The following AFF2 variants were observed in gnomAD, a reference collection of about 807,000 sequenced individuals.
AFF2 encodes the protein AF4/FMR2 family member 2.
In AFF2, 14 loss-of-function variants were observed where a neutral mutation model predicts 76.9. The observed-to-expected ratio is 0.18, with a 90% CI of 0.12 to 0.28. The LOEUF (loss-of-function observed/expected upper bound fraction) is 0.28. Among genes scored for constraint, AFF2 ranks in the 10% least tolerant of loss-of-function variants. The pLI, the probability that AFF2 is intolerant of heterozygous loss-of-function variation, is 1.00. For synonymous variants in AFF2, 398 were observed against 366.7 expected (o/e 1.09, Z -0.98); for missense variants, 868 against 1,001.1 (o/e 0.87, Z 1.79).
At chrX:148,985,413 C>A (rs140766620) in intron 19 of AFF2, among the ~76,000 whole-genome samples, 1 of 102,460 alleles carries the variant, frequency 9.8e-6, no homozygotes, top group Non-Finnish European at 2.0e-5. Context: ...GCAATCCTCT[C>A]GCTTCAGCCT....
At chrX:148,719,259 G>T (rs1482330215) in intron 3 of AFF2, 2 of 1,093,662 alleles carry the variant, frequency 1.8e-6, no homozygotes, top group Non-Finnish European at 2.4e-6. Flanking sequence ...GCTGTAGAAG[G>T]TCTACAATCA....
At chrX:148,921,235 T>G (rs2124265498) in intron 9 of AFF2, among the ~76,000 whole-genome samples, 1 of 112,478 alleles carries the variant, frequency 8.9e-6, no homozygotes, top group South Asian at 3.7e-4. Flanking sequence ...GATTTTGAGA[T>G]CATTACACAA....
chrX:148,655,765 G>A (rs1481994650), intron 2 of AFF2, among the ~76,000 whole-genome samples: 1 of 111,527 alleles, frequency 9.0e-6, no homozygotes, highest in Non-Finnish European at 1.9e-5. Flanking sequence ...ACCTCCATAA[G>A]GCTCCCCAGA....
intron 19 of AFF2, among the ~76,000 whole-genome samples, chrX:148,986,458 C>T (rs1340892280): frequency 3.2e-4 from 36 of 111,983 alleles, no homozygotes; most frequent in Non-Finnish European, 5.6e-5. Context: ...CTCCTTGTTG[C>T]GAATATTAAA....
intron 1 of AFF2, among the ~76,000 whole-genome samples, chrX:148,551,974 C>A (rs782462636): frequency 8.9e-6 from 1 of 112,300 alleles, no homozygotes; most frequent in Non-Finnish European, 1.9e-5. Context: ...AATCTGGACA[C>A]CAATACTCCG....
chrX:148,502,546 T>C (rs1044449783), intron 1 of AFF2, among the ~76,000 whole-genome samples: 4 of 112,818 alleles, frequency 3.5e-5, no homozygotes, highest in African/African-American at 1.3e-4. Flanking sequence ...ACCACGGTTT[T>C]ATCAGCTCTG....
chrX:148,835,475 C>T, intron 4 of AFF2, among the ~76,000 whole-genome samples: 1 of 93,673 alleles, frequency 1.1e-5, no homozygotes, highest in Non-Finnish European at 2.1e-5. Flanking sequence ...ATATCCATCA[C>T]GTCACATACT....
At chrX:148,965,137 T>G (rs1243305984) in intron 13 of AFF2, among the ~76,000 whole-genome samples, 1 of 111,191 alleles carries the variant, frequency 9.0e-6, no homozygotes, top group Non-Finnish European at 1.9e-5. Flanking sequence ...AGACAGCAGA[T>G]TGAGGGTGGA....
At chrX:148,840,469 C>G (rs143030237) in intron 5 of AFF2, among the ~76,000 whole-genome samples, 119 of 112,033 alleles carry the variant, frequency 1.1e-3, no homozygotes, top group African/African-American at 3.1e-3. Context: ...CTGTCTGGCC[C>G]TTTGCAGGAA....
chrX:148,580,717 T>TTATA (rs782119702), intron 1 of AFF2, among the ~76,000 whole-genome samples: 3 of 86,002 alleles, frequency 3.5e-5, no homozygotes, highest in African/African-American at 1.4e-4. Context: ...CATAACAGTT[T>TTATA]TATATATATA....
At chrX:148,916,285 C>T (rs1422865639) in intron 9 of AFF2, among the ~76,000 whole-genome samples, 1 of 91,882 alleles carries the variant, frequency 1.1e-5, no homozygotes, top group Non-Finnish European at 2.1e-5. Context: ...TCTCGGCTCA[C>T]TGCAAGCTCC....
At chrX:148,794,873 A>G (rs1274578719) in intron 3 of AFF2, among the ~76,000 whole-genome samples, 2 of 111,871 alleles carry the variant, frequency 1.8e-5, no homozygotes, top group Non-Finnish European at 3.8e-5. Flanking sequence ...GCAGCATGAA[A>G]TAGTGGAAGA....
At position 148,736,934 on chromosome X, in the gene AFF2, G is replaced by A. The variant is rs782288493; in HGVS notation, c.1042-72942G>A. On this transcript the variant is annotated intron_variant, in intron 3 of 20. Coordinates refer to ENST00000370460, the MANE Select transcript of AFF2 (RefSeq NM_002025.4). ...AAGATCAGTTGGGTGTAAGTATTTG[G>A]GTTAATTTCTAGGTTCTCTATTTTA... is the stretch of plus-strand genomic sequence containing the variant. 8.8e-4 allele frequency among the ~76,000 whole-genome samples: 98 copies of A among 111,144 alleles called. 1 individual carries two copies. The highest frequency in any genetic ancestry group is 3.0e-3 in the African/African-American group (93 of 30,647).
In AFF2 at chrX:148,703,471, C is replaced by T. The variant is rs189387410; in HGVS notation, c.1041+40703C>T. Among the ~76,000 whole-genome samples the T allele has an allele frequency of 4.3e-3, 477 of 111,859 alleles. 5 individuals are homozygous for T. Among genetic ancestry groups the T allele is most frequent in the African/African-American group, 0.015 (457 of 30,750 alleles). ...TGCATATCCCAGGAAAAATAATTGTCTGATTTATATGGATCCCCCAAGGTA... is the reference window on the plus strand; with the variant it reads ...TGCATATCCCAGGAAAAATAATTGTTTGATTTATATGGATCCCCCAAGGTA... On this transcript the variant is annotated intron_variant, in intron 3 of 20. Transcript: ENST00000370460.
At position 149,000,455 on chromosome X, in the gene AFF2, G is replaced by T. The variant is rs1341064969; in HGVS notation, c.*9123G>T. ...TGGCTTTGCATTTCAAATGTGTGGCGCACAAGCGTTTTGTTGGTGCTTTGT... is the reference window on the plus strand; with the variant it reads ...TGGCTTTGCATTTCAAATGTGTGGCTCACAAGCGTTTTGTTGGTGCTTTGT... On this transcript the variant is annotated 3_prime_UTR_variant, in exon 21 of 21. Coordinates refer to ENST00000370460, the MANE Select transcript of AFF2 (RefSeq NM_002025.4). The T allele has an allele frequency of 8.9e-6, 1 of 112,652 alleles. No individual in the cohort carries two copies. Among genetic ancestry groups the T allele is most frequent in the Admixed American group, 9.4e-5 (1 of 10,664 alleles). 9.3% of individuals were successfully genotyped at this position (112,652 alleles called of 1,213,427 possible).
intron 1 of AFF2, among the ~76,000 whole-genome samples, chrX:148,548,248 G>A (rs1375181943): frequency 9.9e-5 from 11 of 111,271 alleles, no homozygotes; most frequent in African/African-American, 3.3e-4. Context: ...TACCCAGTGG[G>A]TTTCACCAAC....
chrX:148,806,427 G>C (rs2070134302), intron 3 of AFF2, among the ~76,000 whole-genome samples: 1 of 111,860 alleles, frequency 8.9e-6, no homozygotes, highest in Non-Finnish European at 1.9e-5. Context: ...CAACGGCTGG[G>C]AGCTTCTGTC....
intron 1 of AFF2, among the ~76,000 whole-genome samples, chrX:148,616,280 G>T (rs1352024360): frequency 1.8e-5 from 2 of 111,741 alleles, no homozygotes; most frequent in Non-Finnish European, 3.8e-5. Flanking sequence ...GAAAGTCATT[G>T]AACTTCTCTT....
Position 148,704,823 on chromosome X carries a change from G to A in AFF2, c.1041+42055G>A, listed in dbSNP as rs375192667. 9.2e-5 allele frequency among the ~76,000 whole-genome samples: 10 copies of A among 109,232 alleles called. No homozygotes were observed. The East Asian group carries it at 1.4e-3, about 16-fold the overall frequency. The allele number at this position is 109,232 out of a possible 115,157, so 94.9% of individuals were successfully genotyped here. A position where few individuals can be genotyped will look rare whatever the true frequency, so the allele number is the denominator to read the frequency against. On this transcript the variant is annotated intron_variant, in intron 3 of 20. Transcript: ENST00000370460. ...ATTACAGGTGTGAGCCACCACACCC[G>A]GCCTATTATTTTTATTATTATTTGT... is the stretch of plus-strand genomic sequence containing the variant.
Sources: allele counts gnomAD v4.1 joint callset (sites outside exome capture counted in the v4.1 genomes callset), GRCh38; gene constraint gnomAD v4.1.1; transcripts MANE v1.5; gene names NCBI Gene and HGNC (gene_info 2026-07-23, HGNC 2026-07-21).